Variants in TOPBP1 observed in about 807,000 individuals in gnomAD.
TOPBP1 encodes the protein DNA topoisomerase II binding protein 1.
Under a neutral mutation model 167.7 loss-of-function variants are expected in TOPBP1, and 28 were observed. The observed-to-expected ratio is 0.17, with a 90% CI of 0.12 to 0.23. The LOEUF (loss-of-function observed/expected upper bound fraction) is 0.23. Ranked by LOEUF, TOPBP1 falls within the 10% of genes least tolerant of loss-of-function variation. The pLI, the probability that TOPBP1 is intolerant of heterozygous loss-of-function variation, is 1.00. For synonymous variants in TOPBP1, 598 were observed against 611.4 expected (o/e 0.98, Z 0.32); for missense variants, 1,554 against 1,809.6 (o/e 0.86, Z 2.56).
chr3:133,636,210 T>A (rs1204325252), intron 14 of TOPBP1, among the ~76,000 whole-genome samples: 10 of 152,196 alleles, frequency 6.6e-5, no homozygotes, highest in African/African-American at 2.4e-4. Context: ...TGATAGTTCA[T>A]TAGCAGTATA....
chr3:133,628,476 C>G lies in TOPBP1; in HGVS notation c.2695-5G>C, dbSNP rs775384440. 4.4e-6 allele frequency: 7 copies of G among 1,608,536 alleles called. No homozygotes were observed. In the Admixed American group the frequency reaches 1.2e-4, roughly 27 times the overall value. ...AAGTGGCTTTGGGGCTTCTTCCTGT[C>G]CATGGAAAATAAAAGAAACAGATCA... On this transcript the variant is annotated splice_region_variant and splice_polypyrimidine_tract_variant and intron_variant, in intron 15 of 27. Transcript: ENST00000260810.
chr3:133,620,316 G>A lies in TOPBP1; in HGVS notation c.3210C>T (p.Asn1070=), dbSNP rs752920922. ...TTATCTCCTGTAACTGCTTCTGAAAGTTCTCTCTCATCTCTAAGGTCTGTG... is the reference window on the plus strand; with the variant it reads ...TTATCTCCTGTAACTGCTTCTGAAAATTCTCTCTCATCTCTAAGGTCTGTG... ...VLTQTLEMRE[N]FQKQLQEIMS... The change falls in exon 20 of 28, where the codon AAC becomes AAT. Residue 1070 remains asparagine (N), a synonymous_variant. Coordinates refer to ENST00000260810, the MANE Select transcript of TOPBP1 (RefSeq NM_007027.4). 1.2e-5 allele frequency: 19 copies of A among 1,613,916 alleles called. No individual in the cohort carries two copies. The highest frequency in any genetic ancestry group is 1.6e-5 in the Non-Finnish European group (19 of 1,179,862).
chr3:133,650,013 T>A, intron 8 of TOPBP1, 70 bp from the exon 9 acceptor site: 2 of 1,275,220 alleles, frequency 1.6e-6, no homozygotes, highest in Non-Finnish European at 2.1e-6. Context: ...AAAATATATA[T>A]CTAAATCCAC....
chr3:133,651,225 T>C (rs1224086047), intron 8 of TOPBP1, among the ~76,000 whole-genome samples: 1 of 146,990 alleles, frequency 6.8e-6, no homozygotes, highest in Non-Finnish European at 1.5e-5. Flanking sequence ...TCACTCTTGT[T>C]GACCAGGCCG....
rs1458686748 is a variant in TOPBP1, at chr3:133,600,682, A to AT, written c.*567dup. The AT allele has an allele frequency of 6.6e-6, 1 of 152,658 alleles. No homozygotes were observed. Among genetic ancestry groups the AT allele is most frequent in the Non-Finnish European group, 1.5e-5 (1 of 68,108 alleles). The allele number at this position is 152,658 out of a possible 1,614,324, so 9.5% of individuals were successfully genotyped here. A position where few individuals can be genotyped will look rare whatever the true frequency, so the allele number is the denominator to read the frequency against. On this transcript the variant is annotated 3_prime_UTR_variant, in exon 28 of 28. Coordinates refer to ENST00000260810, the MANE Select transcript of TOPBP1 (RefSeq NM_007027.4). Reference sequence around the variant, plus strand: ...TACTACTTTTATTCTTTATTGTCACATTTTCCAAGTTTTGCGCATTCAAAC... The same window carrying AT: ...TACTACTTTTATTCTTTATTGTCACATTTTTCCAAGTTTTGCGCATTCAAAC...
intron 14 of TOPBP1, among the ~76,000 whole-genome samples, chr3:133,630,503 T>A (rs947513634): frequency 3.3e-5 from 5 of 152,014 alleles, no homozygotes; most frequent in Admixed American, 6.5e-5. Context: ...TTGCCGTCTT[T>A]CCCAGGCTGG....
chr3:133,603,825 AC>A, intron 27 of TOPBP1, among the ~76,000 whole-genome samples: 1 of 152,136 alleles, frequency 6.6e-6, no homozygotes, highest in Non-Finnish European at 1.5e-5. Flanking sequence ...AACATTATCA[AC>A]CATATTAACC....
At chr3:133,637,478 A>G (rs1158673083) in intron 14 of TOPBP1, among the ~76,000 whole-genome samples, 1 of 152,224 alleles carries the variant, frequency 6.6e-6, no homozygotes, top group African/African-American at 2.4e-5. Flanking sequence ...GAGAACCAAT[A>G]TATAAAGTAT....
intron 27 of TOPBP1, 29 bp downstream of exon 27, chr3:133,608,506 G>A (rs1346875954): frequency 1.9e-6 from 3 of 1,609,438 alleles, no homozygotes; most frequent in East Asian, 2.2e-5. Flanking sequence ...CTCTGGTAAT[G>A]AGGAGGTCAA....
intron 14 of TOPBP1, among the ~76,000 whole-genome samples, chr3:133,636,387 T>C (rs1935675959): frequency 1.3e-5 from 1 of 76,134 alleles, no homozygotes; most frequent in South Asian, 3.5e-4. Flanking sequence ...ATTATATCAG[T>C]TTGAAGATGA....
At chr3:133,620,427 C>G (rs986445710) in intron 19 of TOPBP1, 80 bp from the exon 20 acceptor site, 2 of 1,413,928 alleles carry the variant, frequency 1.4e-6, no homozygotes, top group Non-Finnish European at 9.6e-7. Flanking sequence ...TTGTTTAGAC[C>G]TGGTTGAACA....
At chr3:133,636,423 T>G (rs1935677515) in intron 14 of TOPBP1, among the ~76,000 whole-genome samples, 2 of 152,022 alleles carry the variant, frequency 1.3e-5, no homozygotes, top group Admixed American at 1.3e-4. Flanking sequence ...ATTATAAGAT[T>G]ATAGATGAAG....
intron 10 of TOPBP1, among the ~76,000 whole-genome samples, chr3:133,648,734 G>A (rs1229109115): frequency 1.3e-5 from 2 of 152,016 alleles, no homozygotes; most frequent in African/African-American, 4.8e-5. Flanking sequence ...GGAGGCAGAG[G>A]TTGCAGTGAG....
intron 10 of TOPBP1, among the ~76,000 whole-genome samples, chr3:133,644,736 A>G (rs1177427276): frequency 6.6e-6 from 1 of 152,254 alleles, no homozygotes; most frequent in Admixed American, 6.5e-5. Flanking sequence ...TCTAAATGGT[A>G]TAACTGTCAA....
In TOPBP1 at chr3:133,628,725, A is replaced by G. The variant is rs1303777272; in HGVS notation, c.2529T>C (p.Leu843=). The G allele has an allele frequency of 1.9e-6, 3 of 1,552,222 alleles. No individual in the cohort carries two copies. The highest frequency in any genetic ancestry group is 8.7e-7 in the Non-Finnish European group (1 of 1,147,172). Residue 843 remains leucine, a synonymous_variant, in exon 15 of 28, where the codon CTT becomes CTC. Coordinates refer to ENST00000260810, the MANE Select transcript of TOPBP1 (RefSeq NM_007027.4). ...GACGTCCTGGAGTTTCCAAGGCTGCAAGTGCATCCTATACATATGAAGGAG... is the reference window on the plus strand; with the variant it reads ...GACGTCCTGGAGTTTCCAAGGCTGCGAGTGCATCCTATACATATGAAGGAG... ...FKPSFDVKDA[L]AALETPGRPS... is the part of the protein sequence containing the mutation.
intron 1 of TOPBP1, 98 bp from the exon 2 acceptor site, chr3:133,661,232 A>G (rs1257561023): frequency 1.2e-6 from 1 of 818,376 alleles, no homozygotes; most frequent in Non-Finnish European, 1.8e-6. Context: ...AAGAATGCCT[A>G]AAGACAGACA....
In TOPBP1 at chr3:133,656,871, A is replaced by G. The variant is rs1285974137; in HGVS notation, c.364-14T>C. ...ATGAACTTCTTCCTGCAGCCCCAAA[A>G]GAGAACACATTAATGCTGAAGCAAA... On this transcript the variant is annotated splice_polypyrimidine_tract_variant and intron_variant, in intron 4 of 27. Transcript: ENST00000260810. 1.3e-6 allele frequency: 2 copies of G among 1,552,338 alleles called. No homozygotes were observed. Among genetic ancestry groups the G allele is most frequent in the African/African-American group, 2.8e-5 (2 of 72,326 alleles).
chr3:133,622,998 CA>C (rs1199574477), intron 19 of TOPBP1, 92 bp downstream of exon 19: 8 of 663,046 alleles, frequency 1.2e-5, no homozygotes, highest in African/African-American at 1.8e-5. Flanking sequence ...AGTTTCAGAC[CA>C]GTGTGGGCAA....
rs577918423 is a variant in TOPBP1 at position 133,656,840 on chromosome 3, A to G, written c.381T>C (p.Tyr127=). ...ATACTCGTCCGCCCATCATTTGTAC[A>G]TATTTATGAACTTCTTCCTGCAGCC... ...EKEKREEVHK[Y]VQMMGGRVYR... The change falls in exon 5 of 28, where the codon TAT becomes TAC. Residue 127 remains tyrosine (Y), a synonymous_variant. Coordinates refer to ENST00000260810, the MANE Select transcript of TOPBP1 (RefSeq NM_007027.4). 2.5e-6 allele frequency: 4 copies of G among 1,584,760 alleles called. No individual in the cohort carries two copies. The highest frequency in any genetic ancestry group is 1.2e-5 in the South Asian group (1 of 85,780).
Sources: allele counts gnomAD v4.1 joint callset (sites outside exome capture counted in the v4.1 genomes callset), GRCh38; gene constraint gnomAD v4.1.1; transcripts MANE v1.5; gene names NCBI Gene and HGNC (gene_info 2026-07-23, HGNC 2026-07-21).